LRP6: variants seen among roughly 807,000 people sequenced by gnomAD.
LRP6 encodes the protein low-density lipoprotein receptor-related protein 6.
In LRP6, 43 loss-of-function variants were observed where a neutral mutation model predicts 184.1. The observed-to-expected ratio is 0.23, with a 90% CI of 0.18 to 0.30. The LOEUF is 0.30. LRP6 is among the 10% of genes least tolerant of loss of function. The pLI is 1.00. For synonymous variants in LRP6, 719 were observed against 684.9 expected, an observed-to-expected ratio of 1.05 and a Z score of -0.78; for missense variants, 1,571 against 2,005.3, an observed-to-expected ratio of 0.78 and a Z score of 4.14.
At chr12:12,246,797 C>A (rs1421201560) in intron 1 of LRP6, among the ~76,000 whole-genome samples, 1 of 152,064 alleles carries the variant, frequency 6.6e-6, no homozygotes, top group African/African-American at 2.4e-5. Context: ...AGTAACGATT[C>A]CCCTTTTCAA....
chr12:12,199,964 C>CAAAAAAAAAAAAAAAAAAAAAAA (rs146224493), intron 3 of LRP6, among the ~76,000 whole-genome samples: 1 of 45,174 alleles, frequency 2.2e-5, no homozygotes, highest in African/African-American at 9.8e-5. Context: ...GACTCCATCT[C>CAAAAAAAAAAAAAAAAAAAAAAA]AAAAAAAAAA....
intron 2 of LRP6, among the ~76,000 whole-genome samples, chr12:12,215,221 C>A (rs866148599): frequency 6.6e-6 from 1 of 152,088 alleles, no homozygotes; most frequent in South Asian, 2.1e-4. Flanking sequence ...TTTACAAACA[C>A]TTCCTAATAA....
chr12:12,152,141 T>C (rs1342919564), intron 12 of LRP6, among the ~76,000 whole-genome samples: 1 of 152,054 alleles, frequency 6.6e-6, no homozygotes, highest in East Asian at 1.9e-4. Context: ...CCCATAATAG[T>C]GAATAAGTCT....
chr12:12,197,849 G>C (rs1005326126), intron 3 of LRP6, among the ~76,000 whole-genome samples: 1 of 152,190 alleles, frequency 6.6e-6, no homozygotes, highest in African/African-American at 2.4e-5. Context: ...TTCAAGACCA[G>C]CTGGGCAACA....
Position 12,131,120 on chromosome 12 carries a change from T to C in LRP6, c.3971-227A>G, listed in dbSNP as rs7962676. 0.032 allele frequency among the ~76,000 whole-genome samples: 4,538 copies of C among 142,764 alleles called. 120 individuals are homozygous for C. Among genetic ancestry groups the C allele is most frequent in the African/African-American group, 0.11 (4,134 of 37,578 alleles). The allele number at this position is 142,764 out of a possible 152,430, so 93.7% of individuals were successfully genotyped here. On this transcript the variant is annotated intron_variant, in intron 18 of 22. Transcript: ENST00000261349. ...ACATTTTTTTTTTTTTTTTTTTTTTTTTTTTGAGACGGAGTCTTGCTCTGT... is the reference window on the plus strand; with the variant it reads ...ACATTTTTTTTTTTTTTTTTTTTTTCTTTTTGAGACGGAGTCTTGCTCTGT...
chr12:12,242,980 T>C (rs997767622), intron 2 of LRP6, among the ~76,000 whole-genome samples: 1 of 152,218 alleles, frequency 6.6e-6, no homozygotes, highest in African/African-American at 2.4e-5. Flanking sequence ...AAGAATTCAC[T>C]CCTTTCTATA....
At chr12:12,145,344 A>C (rs1949989204) in intron 15 of LRP6, among the ~76,000 whole-genome samples, 1 of 152,208 alleles carries the variant, frequency 6.6e-6, no homozygotes, top group African/African-American at 2.4e-5. Context: ...AATGTGAAAA[A>C]AAGATTAAAA....
chr12:12,252,754 T>C (rs1199060715), intron 1 of LRP6, among the ~76,000 whole-genome samples: 1 of 152,218 alleles, frequency 6.6e-6, no homozygotes, highest in Non-Finnish European at 1.5e-5. Context: ...AATGCTATTA[T>C]ATAGAAGTTA....
At chr12:12,173,517 A>AT (rs1308815252) in intron 7 of LRP6, among the ~76,000 whole-genome samples, 1 of 151,688 alleles carries the variant, frequency 6.6e-6, no homozygotes, top group African/African-American at 2.4e-5. Flanking sequence ...TAATTTTTGC[A>AT]TTTTTTATAG....
intron 2 of LRP6, among the ~76,000 whole-genome samples, chr12:12,204,335 G>A (rs1863995115): frequency 6.7e-6 from 1 of 149,664 alleles, no homozygotes; most frequent in African/African-American, 2.5e-5. Context: ...GACTGGAGGA[G>A]AGCAAAGAGA....
chr12:12,255,302 AG>A (rs1317472978), intron 1 of LRP6, among the ~76,000 whole-genome samples: 1 of 151,224 alleles, frequency 6.6e-6, no homozygotes, highest in East Asian at 1.9e-4. Flanking sequence ...AGCTGACTGC[AG>A]AAAAAAAAAA....
At chr12:12,195,515 C>G (rs766848719) in intron 3 of LRP6, among the ~76,000 whole-genome samples, 1 of 151,944 alleles carries the variant, frequency 6.6e-6, no homozygotes, top group African/African-American at 2.4e-5. Context: ...CATGTCTATT[C>G]GGATCATTTC....
chr12:12,215,640 C>T (rs1288459699), intron 2 of LRP6, among the ~76,000 whole-genome samples: 2 of 151,732 alleles, frequency 1.3e-5, no homozygotes, highest in African/African-American at 2.4e-5. Flanking sequence ...CGTGAGCCAC[C>T]GTGCCTGGCC....
Position 12,130,883 on chromosome 12 carries a change from TAAAC to T in LRP6, c.3977_3980del (p.Cys1326Ter). On this transcript the variant is annotated frameshift_variant, in exon 19 of 23. Coordinates refer to ENST00000261349, the MANE Select transcript of LRP6 (RefSeq NM_002336.3). LOFTEE classifies it high-confidence loss of function. ...CATTGGCACAGCGGAACTGATCAATTAAACAAAGCACTGGAAAAAAAACATAAAT... is the reference window on the plus strand; with the variant it reads ...CATTGGCACAGCGGAACTGATCAATTAAAGCACTGGAAAAAAAACATAAAT... The T allele has an allele frequency of 6.3e-7, 1 of 1,585,620 alleles. No individual in the cohort carries two copies. The highest frequency in any genetic ancestry group is 8.7e-7 in the Non-Finnish European group (1 of 1,153,980).
chr12:12,227,644 G>A lies in LRP6; in HGVS notation c.449+16618C>T, dbSNP rs1864665436. 2.6e-5 allele frequency among the ~76,000 whole-genome samples: 4 copies of A among 152,116 alleles called. No homozygotes were observed. In the South Asian group the frequency reaches 8.3e-4, roughly 32 times the overall value. On this transcript the variant is annotated intron_variant, in intron 2 of 22. Coordinates refer to ENST00000261349, the MANE Select transcript of LRP6 (RefSeq NM_002336.3). ...GGCTGGTCTCGAACTCCTGACCTCA[G>A]GTGAGCCACCCGCCTTGGCCTCCCA...
intron 1 of LRP6, among the ~76,000 whole-genome samples, chr12:12,248,338 A>G (rs1053544217): frequency 5.9e-5 from 9 of 152,106 alleles, no homozygotes; most frequent in Non-Finnish European, 1.3e-4. Flanking sequence ...ATCTTATAAC[A>G]TTGGTATATA....
chr12:12,169,417 G>A (rs1182875809), intron 7 of LRP6, among the ~76,000 whole-genome samples: 5 of 152,080 alleles, frequency 3.3e-5, no homozygotes, highest in Admixed American at 1.3e-4. Context: ...GAAATACTTT[G>A]CTCATCTTCA....
chr12:12,176,831 T>G (rs553441710), intron 7 of LRP6, among the ~76,000 whole-genome samples: 1 of 145,540 alleles, frequency 6.9e-6, no homozygotes, highest in Non-Finnish European at 1.5e-5. Flanking sequence ...TATACAACAG[T>G]GTGAGCCCAA....
At chr12:12,233,471 AAAAT>A (rs1224647188) in intron 2 of LRP6, among the ~76,000 whole-genome samples, 1 of 152,180 alleles carries the variant, frequency 6.6e-6, no homozygotes, top group African/African-American at 2.4e-5. Context: ...CCATCTCAAA[AAAAT>A]AAATGAATGA....
Sources: gnomAD v4.1 joint callset for allele counts (sites outside exome capture counted in the v4.1 genomes callset) on GRCh38, gnomAD v4.1.1 for gene constraint, MANE v1.5 for transcripts, NCBI Gene and HGNC (gene_info 2026-07-23, HGNC 2026-07-21) for gene names.